The following TAS2R1 variants were observed in gnomAD, a reference collection of about 807,000 sequenced individuals.
The protein encoded by TAS2R1 is taste 2 receptor member 1.
For missense variants in TAS2R1, 370 were observed against 353.4 expected, an observed-to-expected ratio of 1.05 and a Z score of -0.38; for synonymous variants, 141 against 134.2, an observed-to-expected ratio of 1.05 and a Z score of -0.35.
intron 1 of TAS2R1, among the ~76,000 whole-genome samples, chr5:9,678,916 C>G (rs1046362191): frequency 6.6e-6 from 1 of 152,088 alleles, no homozygotes; most frequent in African/African-American, 2.4e-5. Context: ...ATATCCTGCA[C>G]ATGTACCCTG....
At chr5:9,678,157 T>C (rs1308529788) in intron 1 of TAS2R1, among the ~76,000 whole-genome samples, 1 of 152,084 alleles carries the variant, frequency 6.6e-6, no homozygotes, top group Non-Finnish European at 1.5e-5. Flanking sequence ...AAGACATTAA[T>C]GCAGCTAACA....
At chr5:9,703,846 T>C (rs2126527711) in intron 1 of TAS2R1, among the ~76,000 whole-genome samples, 1 of 152,286 alleles carries the variant, frequency 6.6e-6, no homozygotes, top group East Asian at 1.9e-4. Flanking sequence ...TCTTCAAAGG[T>C]AAAGCATAGC....
the TAS2R1 span, among the ~76,000 whole-genome samples, chr5:9,850,171 T>G: frequency 6.6e-6 from 1 of 152,038 alleles, no homozygotes; most frequent in Non-Finnish European, 1.5e-5. Context: ...TCCTCTTCCC[T>G]CCTCTGGGCT....
intron 1 of TAS2R1, among the ~76,000 whole-genome samples, chr5:9,662,397 C>G (rs370402685): frequency 6.6e-6 from 1 of 152,176 alleles, no homozygotes; most frequent in Non-Finnish European, 1.5e-5. Flanking sequence ...GATTCTGCCA[C>G]GCAGAGCATG....
the TAS2R1 span, among the ~76,000 whole-genome samples, chr5:9,740,032 T>C: frequency 6.6e-6 from 1 of 152,208 alleles, no homozygotes; most frequent in Admixed American, 6.5e-5. Flanking sequence ...CACCTATTCA[T>C]GAAGCTGAGA....
intron 1 of TAS2R1, among the ~76,000 whole-genome samples, chr5:9,703,070 G>A (rs1741525243): frequency 6.6e-6 from 1 of 152,174 alleles, no homozygotes; most frequent in African/African-American, 2.4e-5. Flanking sequence ...CCACAGTTGG[G>A]CTGACACTTT....
intron 1 of TAS2R1, among the ~76,000 whole-genome samples, chr5:9,679,149 TA>T (rs1430476704): frequency 2.6e-5 from 4 of 152,092 alleles, no homozygotes; most frequent in Non-Finnish European, 4.4e-5. Flanking sequence ...CGACATTCTA[TA>T]AAAGACAAAA....
chr5:9,851,302 A>C, the TAS2R1 span, among the ~76,000 whole-genome samples: 1 of 152,226 alleles, frequency 6.6e-6, no homozygotes, highest in East Asian at 1.9e-4. Context: ...CTGAAGGCGC[A>C]TGTTGGCTAG....
At chr5:9,800,276 T>C in the TAS2R1 span, among the ~76,000 whole-genome samples, 1 of 152,226 alleles carries the variant, frequency 6.6e-6, no homozygotes, top group African/African-American at 2.4e-5. Flanking sequence ...TGAAAAATGC[T>C]GGCATAGACA....
chr5:9,742,264 TAGAA>T, the TAS2R1 span, among the ~76,000 whole-genome samples: 1 of 152,282 alleles, frequency 6.6e-6, no homozygotes, highest in African/African-American at 2.4e-5. Flanking sequence ...AGAATATACA[TAGAA>T]AGACAGCTCT....
the TAS2R1 span, among the ~76,000 whole-genome samples, chr5:9,867,914 T>C: frequency 1.3e-5 from 2 of 152,212 alleles, no homozygotes; most frequent in Non-Finnish European, 2.9e-5. Flanking sequence ...ACAGGCCCCA[T>C]GCAAGTGTGA....
chr5:9,635,701 C>T (rs1486808193), intron 2 of TAS2R1, among the ~76,000 whole-genome samples: 1 of 151,774 alleles, frequency 6.6e-6, no homozygotes, highest in Non-Finnish European at 1.5e-5. Flanking sequence ...TCCATTTCCT[C>T]TAGATTGTTT....
intron 1 of TAS2R1, among the ~76,000 whole-genome samples, chr5:9,697,660 A>G (rs1741386979): frequency 6.6e-6 from 1 of 152,202 alleles, no homozygotes; most frequent in African/African-American, 2.4e-5. Flanking sequence ...TGAAAAACTA[A>G]GAATCCTTCT....
the TAS2R1 span, among the ~76,000 whole-genome samples, chr5:9,815,999 T>C: frequency 7.9e-5 from 12 of 152,156 alleles, no homozygotes; most frequent in Admixed American, 1.3e-4. Context: ...ATCAACAGCC[T>C]GGACACATAG....
the TAS2R1 span, among the ~76,000 whole-genome samples, chr5:9,853,690 A>G: frequency 6.6e-6 from 1 of 152,128 alleles, no homozygotes; most frequent in African/African-American, 2.4e-5. Context: ...AGGTCTTCTA[A>G]TTGGGGATGA....
chr5:9,891,455 C>T, the TAS2R1 span, among the ~76,000 whole-genome samples: 1 of 152,068 alleles, frequency 6.6e-6, no homozygotes, highest in Non-Finnish European at 1.5e-5. Flanking sequence ...TATCTGCCAA[C>T]ATAACTCACA....
At chr5:9,689,840 G>C (rs1332336238) in intron 1 of TAS2R1, among the ~76,000 whole-genome samples, 2 of 152,076 alleles carry the variant, frequency 1.3e-5, no homozygotes, top group Non-Finnish European at 2.9e-5. Flanking sequence ...AATAAGATGA[G>C]TGAGAATCTC....
At chr5:9,740,805 G>A in the TAS2R1 span, among the ~76,000 whole-genome samples, 1 of 152,156 alleles carries the variant, frequency 6.6e-6, no homozygotes, top group African/African-American at 2.4e-5. Flanking sequence ...CTTCTCTTCC[G>A]ATTATGAAAA....
At chr5:9,840,887 T>A in the TAS2R1 span, among the ~76,000 whole-genome samples, 5,303 of 100,528 alleles carry the variant, frequency 0.053, 418 homozygotes, top group African/African-American at 0.17. Context: ...TTTTTTTTTT[T>A]TTTTTTGAGA....
Sources: allele counts gnomAD v4.1 joint callset (sites outside exome capture counted in the v4.1 genomes callset), GRCh38; gene constraint gnomAD v4.1.1; transcripts MANE v1.5; gene names NCBI Gene and HGNC (gene_info 2026-07-23, HGNC 2026-07-21).